PLCG2: variants seen among roughly 807,000 people sequenced by gnomAD.
The protein encoded by PLCG2 is phospholipase C gamma 2.
In PLCG2, 69 loss-of-function variants were observed where a neutral mutation model predicts 175.6. The ratio of observed to expected loss-of-function variants is 0.39; its 90% CI spans 0.32 to 0.48. The LOEUF is 0.48. Ranked by LOEUF, PLCG2 falls within the 20% of genes least tolerant of loss-of-function variation. PLCG2 has a pLI of 0.91. For synonymous variants in PLCG2, 827 were observed against 624.0 expected (o/e 1.33, Z -4.85); for missense variants, 1,798 against 1,650.9 (o/e 1.09, Z -1.54).
chr16:81,892,023 T>C (rs1261392313), intron 11 of PLCG2, among the ~76,000 whole-genome samples: 2 of 152,170 alleles, frequency 1.3e-5, no homozygotes, highest in Non-Finnish European at 2.9e-5. Flanking sequence ...TGTCCTCATG[T>C]GCTGGGAGGA....
intron 1 of PLCG2, among the ~76,000 whole-genome samples, chr16:81,750,895 G>A (rs1188755780): frequency 2.0e-5 from 3 of 148,300 alleles, no homozygotes; most frequent in African/African-American, 5.0e-5. Context: ...GGTTGGTCTC[G>A]ATCTCCTGAC....
intron 1 of PLCG2, among the ~76,000 whole-genome samples, chr16:81,781,052 C>CAA (rs1910709143): frequency 2.5e-5 from 3 of 121,582 alleles, no homozygotes; most frequent in East Asian, 2.9e-4. Context: ...CAAACAAACA[C>CAA]ACACAAACAC....
upstream of PLCG2, among the ~76,000 whole-genome samples, chr16:81,777,194 A>C (rs1910430096): frequency 6.6e-6 from 1 of 152,106 alleles, no homozygotes; most frequent in African/African-American, 2.4e-5. Context: ...TCCAGCCAGA[A>C]TTGGCATCTG....
chr16:81,829,603 A>G (rs770720445), intron 2 of PLCG2, among the ~76,000 whole-genome samples: 56 of 152,354 alleles, frequency 3.7e-4, no homozygotes, highest in Admixed American at 1.6e-3. Flanking sequence ...TCCAGAATTT[A>G]TTTGGACTTT....
At chr16:81,889,099 G>T in intron 9 of PLCG2, 73 bp from the exon 10 acceptor site, 1 of 910,316 alleles carries the variant, frequency 1.1e-6, no homozygotes, top group Admixed American at 2.1e-5. Context: ...ATTGCGACTG[G>T]ATGGACCCTG....
chr16:81,917,105 G>A (rs1909876321), intron 19 of PLCG2, among the ~76,000 whole-genome samples: 1 of 152,100 alleles, frequency 6.6e-6, no homozygotes, highest in African/African-American at 2.4e-5. Context: ...ACTTCCGTGA[G>A]TTTAAACCTT....
Position 81,907,725 on chromosome 16 carries a change from T to C in PLCG2, c.1508T>C (p.Leu503Pro). 1 of 1,614,072 alleles carries C rather than the reference T, an allele frequency of 6.2e-7. No individual in the cohort carries two copies. The highest frequency in any genetic ancestry group is 8.5e-7 in the Non-Finnish European group (1 of 1,179,930). ...TACTGCGCCATTGCCGATGCCAAGC[T>C]GTCCTTCAGTGATGACATTGAACAG... ...RHYCAIADAK[L>P]SFSDDIEQTM... Residue 503 changes from leucine (L) to proline (P), a missense_variant, in exon 16 of 33, where the codon CTG (leucine) becomes CCG (proline). Transcript: ENST00000564138.
intron 2 of PLCG2, among the ~76,000 whole-genome samples, chr16:81,810,617 T>A (rs893077384): frequency 2.0e-5 from 3 of 148,618 alleles, no homozygotes; most frequent in Non-Finnish European, 4.4e-5. Context: ...GCCGTCCACT[T>A]AGTGCCTTAT....
intron 16 of PLCG2, among the ~76,000 whole-genome samples, chr16:81,908,010 C>A (rs1202548342): frequency 6.6e-6 from 1 of 152,174 alleles, no homozygotes; most frequent in African/African-American, 2.4e-5. Flanking sequence ...TCTAAAGTGC[C>A]TGATTGGCCT....
At chr16:81,772,199 G>A (rs1567455399) in intron 2 of PLCG2, among the ~76,000 whole-genome samples, 1 of 152,106 alleles carries the variant, frequency 6.6e-6, no homozygotes, top group Non-Finnish European at 1.5e-5. Context: ...AAGGAGAGGG[G>A]TATTTGAGAC....
At chr16:81,806,879 G>A (rs78659947) in intron 2 of PLCG2, among the ~76,000 whole-genome samples, 4,229 of 151,934 alleles carry the variant, frequency 0.028, 171 homozygotes, top group African/African-American at 0.099. Flanking sequence ...CAGGGTGATG[G>A]GGGCAGAGTT....
Position 81,816,651 on chromosome 16 carries a change from A to ACTTTTTTTTTTTTTTTTTTTTTTTTTTTT in PLCG2, c.193+30469_193+30470insCTTTTTTTTTTTTTTTTTTTTTTTTTTTT, listed in dbSNP as rs1555509092. Among the ~76,000 whole-genome samples, 2 of 108,858 alleles carry ACTTTTTTTTTTTTTTTTTTTTTTTTTTTT rather than the reference A, an allele frequency of 1.8e-5. 1 individual carries two copies. 71.4% of individuals were successfully genotyped at this position (108,858 alleles called of 152,430 possible). A position where few individuals can be genotyped will look rare whatever the true frequency, so the allele number is the denominator to read the frequency against. On this transcript the variant is annotated intron_variant, in intron 2 of 32. Transcript: ENST00000564138. ...GCACCACCATGCCCAGCTAATTTTA[A>ACTTTTTTTTTTTTTTTTTTTTTTTTTTTT]TTTTTTTTTTTTTTTTTTTTTTTTT... is the stretch of plus-strand genomic sequence containing the variant.
intron 2 of PLCG2, among the ~76,000 whole-genome samples, chr16:81,805,328 T>G (rs1162390135): frequency 2.6e-5 from 4 of 151,374 alleles, no homozygotes; most frequent in African/African-American, 9.7e-5. Context: ...TGAAACTCTG[T>G]CTCTACTAAA....
At chr16:81,812,479 A>ATGT (rs1904362120) in intron 2 of PLCG2, among the ~76,000 whole-genome samples, 1 of 152,232 alleles carries the variant, frequency 6.6e-6, no homozygotes, top group Admixed American at 6.5e-5. Context: ...GGCTGCATAA[A>ATGT]TGTCTTCTTT....
At chr16:81,770,356 T>TTATTGTTTCTATACA (rs1910250795) in intron 2 of PLCG2, among the ~76,000 whole-genome samples, 1 of 152,194 alleles carries the variant, frequency 6.6e-6, no homozygotes, top group Non-Finnish European at 1.5e-5. Context: ...TAAAGAATAT[T>TTATTGTTTCTATACA]TAGAAAACAA....
At chr16:81,914,955 A>C (rs560972964) in intron 19 of PLCG2, among the ~76,000 whole-genome samples, 1 of 152,286 alleles carries the variant, frequency 6.6e-6, no homozygotes, top group Non-Finnish European at 1.5e-5. Context: ...GTCTCTACCC[A>C]CTGCATGTCT....
rs75400682 is a variant in PLCG2 at position 81,908,986 on chromosome 16, C to T, written c.1733+395C>T. The stretch of plus-strand genomic sequence containing the variant: ...GCCAACCTTCTAGCATCTCTGTCTC[C>T]TCCATAAAACGAGGACTCTAGGGCT... On this transcript the variant is annotated intron_variant, in intron 17 of 32. Coordinates refer to ENST00000564138, the MANE Select transcript of PLCG2 (RefSeq NM_002661.5). 4.6e-3 allele frequency among the ~76,000 whole-genome samples: 702 copies of T among 152,280 alleles called. 9 individuals carry two copies. The highest frequency in any genetic ancestry group is 0.016 in the African/African-American group (667 of 41,548).
chr16:81,753,352 T>C (rs1909852686), intron 1 of PLCG2, among the ~76,000 whole-genome samples: 1 of 150,952 alleles, frequency 6.6e-6, no homozygotes, highest in Non-Finnish European at 1.5e-5. Flanking sequence ...GTTTTTTTTT[T>C]TTTTTTTTTT....
intron 6 of PLCG2, among the ~76,000 whole-genome samples, chr16:81,869,631 G>A (rs541976457): frequency 2.0e-5 from 3 of 152,328 alleles, no homozygotes; most frequent in African/African-American, 7.2e-5. Context: ...ATGCATGTAT[G>A]TCTTTTGGAA....
Sources: allele counts gnomAD v4.1 joint callset (sites outside exome capture counted in the v4.1 genomes callset), GRCh38; gene constraint gnomAD v4.1.1; transcripts MANE v1.5; gene names NCBI Gene and HGNC (gene_info 2026-07-23, HGNC 2026-07-21).